The following ATF1 variants were observed in gnomAD, a reference collection of about 807,000 sequenced individuals.
ATF1 encodes cyclic AMP-dependent transcription factor ATF-1.
Under a neutral mutation model 34.7 loss-of-function variants are expected in ATF1, and 16 were observed. That is an observed-to-expected ratio of 0.46 (90% CI 0.31 to 0.70). The LOEUF (loss-of-function observed/expected upper bound fraction) is 0.70, where lower values mean the gene tolerates loss of function less well. ATF1 is among the 30% of genes least tolerant of loss of function. ATF1 has a pLI of 0.05. For missense variants in ATF1, 255 were observed against 321.6 expected, an observed-to-expected ratio of 0.79 and a Z score of 1.58; for synonymous variants, 105 against 113.1, an observed-to-expected ratio of 0.93 and a Z score of 0.46.
rs531693867 is a variant in ATF1 at position 50,784,093 on chromosome 12, G to A, written c.93+3855G>A. On this transcript the variant is annotated intron_variant, in intron 2 of 6. Coordinates refer to ENST00000262053, the MANE Select transcript of ATF1 (RefSeq NM_005171.5). ...GGAGAGGACCACCTGAGCCCCAGAGGTCAAGGCTGCAGTGAGCCGTGATTG... is the reference window on the plus strand; with the variant it reads ...GGAGAGGACCACCTGAGCCCCAGAGATCAAGGCTGCAGTGAGCCGTGATTG... Among the ~76,000 whole-genome samples, 115 of 152,028 alleles carry A rather than the reference G, an allele frequency of 7.6e-4. 2 individuals carry two copies. Among genetic ancestry groups the A allele is most frequent in the Middle Eastern group, 6.8e-3 (2 of 294 alleles).
At chr12:50,814,754 T>C (rs577336174) in intron 6 of ATF1, among the ~76,000 whole-genome samples, 1 of 152,208 alleles carries the variant, frequency 6.6e-6, no homozygotes, top group Non-Finnish European at 1.5e-5. Flanking sequence ...CTATAATAAG[T>C]TAATATGTTA....
intron 1 of ATF1, among the ~76,000 whole-genome samples, chr12:50,777,021 T>A (rs1015775230): frequency 2.6e-5 from 4 of 152,004 alleles, no homozygotes; most frequent in Non-Finnish European, 5.9e-5. Flanking sequence ...CCCAGCTGAT[T>A]TTTTGTAATT....
At chr12:50,766,468 G>A (rs903105922) in intron 1 of ATF1, among the ~76,000 whole-genome samples, 4 of 152,030 alleles carry the variant, frequency 2.6e-5, no homozygotes, top group Non-Finnish European at 4.4e-5. Context: ...GCATGAACAG[G>A]ATCGTGGGAC....
intron 4 of ATF1, among the ~76,000 whole-genome samples, chr12:50,812,068 TA>T (rs1417722989): frequency 2.6e-5 from 4 of 152,244 alleles, no homozygotes; most frequent in Non-Finnish European, 5.9e-5. Flanking sequence ...TAATTTTGTT[TA>T]ATTTTAGTTA....
intron 1 of ATF1, chr12:50,775,680 G>GT (rs1940902151): frequency 6.6e-6 from 1 of 152,210 alleles, no homozygotes; most frequent in South Asian, 2.1e-4. Context: ...CAAAACAAAA[G>GT]TATCATTTCT....
intron 1 of ATF1, among the ~76,000 whole-genome samples, chr12:50,778,955 A>G (rs1012819305): frequency 2.6e-5 from 4 of 151,954 alleles, no homozygotes; most frequent in African/African-American, 9.7e-5. Context: ...CCACCATTCT[A>G]CTTCCTGTTT....
Position 50,780,215 on chromosome 12 carries a change from C to A in ATF1, c.70C>A (p.His24Asn), listed in dbSNP as rs750545129. The change falls in exon 2 of 7, where the codon CAC (histidine) becomes AAC (asparagine). Residue 24 changes from histidine (H) to asparagine (N), a missense_variant. Physicochemically the swap from His to Asn is moderately conservative, Grantham distance 68. Transcript: ENST00000262053. ...ACCTGGTTCAGCAGTTCAGGGAGCT[C>A]ACATTTCTCATATTGCTCAACAGGT... ...PQPGSAVQGA[H>N]ISHIAQQVSS... The A allele has an allele frequency of 6.2e-7, 1 of 1,613,356 alleles. No individual in the cohort carries two copies. Among genetic ancestry groups the A allele is most frequent in the Non-Finnish European group, 8.5e-7 (1 of 1,179,398 alleles).
chr12:50,797,775 A>G (rs1941437508), intron 3 of ATF1, among the ~76,000 whole-genome samples: 1 of 152,156 alleles, frequency 6.6e-6, no homozygotes, highest in Admixed American at 6.6e-5. Context: ...TCAGGCTCCA[A>G]TATTTAAATT....
intron 2 of ATF1, among the ~76,000 whole-genome samples, chr12:50,789,274 G>A (rs1316099299): frequency 6.6e-6 from 1 of 151,768 alleles, no homozygotes; most frequent in South Asian, 2.1e-4. Context: ...TCGCCATGTT[G>A]GCCAGGCTGG....
intron 2 of ATF1, chr12:50,788,280 T>C: frequency 6.7e-6 from 3 of 450,392 alleles, no homozygotes; most frequent in South Asian, 4.7e-5. Flanking sequence ...CCTCCTGTGC[T>C]CAAGCAATCC....
At chr12:50,765,953 C>A (rs1940623382) in intron 1 of ATF1, among the ~76,000 whole-genome samples, 1 of 152,144 alleles carries the variant, frequency 6.6e-6, no homozygotes, top group Non-Finnish European at 1.5e-5. Context: ...TATGGAGTAG[C>A]CGTTCTTTTT....
intron 2 of ATF1, among the ~76,000 whole-genome samples, chr12:50,787,879 G>A (rs1474711159): frequency 6.6e-6 from 1 of 152,192 alleles, no homozygotes; most frequent in African/African-American, 2.4e-5. Flanking sequence ...CAAAGGAAAG[G>A]GCAGGGAGAA....
chr12:50,810,156 A>G (rs1237158594), intron 4 of ATF1, among the ~76,000 whole-genome samples: 3 of 148,074 alleles, frequency 2.0e-5, no homozygotes, highest in East Asian at 2.0e-4. Flanking sequence ...TCTTATATCT[A>G]TGTAGTTCCG....
intron 2 of ATF1, among the ~76,000 whole-genome samples, chr12:50,787,485 C>T (rs1439835747): frequency 6.6e-6 from 1 of 151,964 alleles, no homozygotes; most frequent in African/African-American, 2.4e-5. Context: ...GTAATCCCAG[C>T]AATTTAGGAG....
chr12:50,764,869 G>A (rs1426143166), intron 1 of ATF1, among the ~76,000 whole-genome samples: 2 of 152,266 alleles, frequency 1.3e-5, no homozygotes, highest in Admixed American at 1.3e-4. Flanking sequence ...CTGGAGAGAT[G>A]CGCCTGGCAG....
rs1941872174 is a variant in ATF1 at position 50,817,753 on chromosome 12, A to T, written c.672-1882A>T. 2.0e-5 allele frequency among the ~76,000 whole-genome samples: 3 copies of T among 152,224 alleles called. No homozygotes were observed. The South Asian group carries it at 6.2e-4, about 32-fold the overall frequency. ...AAGAATTACGAGATGTATAGGTTAT[A>T]TAAAGATTTATTTCTGTAAATAAGA... On this transcript the variant is annotated intron_variant, in intron 6 of 6. Coordinates refer to ENST00000262053, the MANE Select transcript of ATF1 (RefSeq NM_005171.5).
At position 50,770,045 on chromosome 12, in the gene ATF1, C is replaced by T. The variant is rs1345112567; in HGVS notation, c.-7+5738C>T. 3.9e-5 allele frequency among the ~76,000 whole-genome samples: 6 copies of T among 152,260 alleles called. No homozygotes were observed. In the East Asian group the frequency reaches 1.2e-3, roughly 29 times the overall value. On this transcript the variant is annotated intron_variant, in intron 1 of 6. Transcript: ENST00000262053. ...GTTTTTCAGAGTCAAGGAAACTTTT[C>T]ATTTGAGCTATTTACAGTTCATAGC...
intron 4 of ATF1, among the ~76,000 whole-genome samples, chr12:50,811,539 G>A (rs1371117457): frequency 2.7e-5 from 4 of 149,290 alleles, no homozygotes; most frequent in Admixed American, 2.0e-4. Flanking sequence ...ATCTCAGTAC[G>A]TTGAGAGGCT....
intron 1 of ATF1, among the ~76,000 whole-genome samples, chr12:50,767,480 A>G (rs1230525680): frequency 6.6e-6 from 1 of 152,228 alleles, no homozygotes; most frequent in Non-Finnish European, 1.5e-5. Context: ...AGATCGTGCC[A>G]CTGCACTCCA....
Sources: gnomAD v4.1 joint callset for allele counts (sites outside exome capture counted in the v4.1 genomes callset) on GRCh38, gnomAD v4.1.1 for gene constraint, MANE v1.5 for transcripts, NCBI Gene and HGNC (gene_info 2026-07-23, HGNC 2026-07-21) for gene names.